The following PRDM16 variants were observed in gnomAD, a reference collection of about 807,000 sequenced individuals.
PRDM16 encodes the protein PR/SET domain 16, also known as histone-lysine N-methyltransferase PRDM16.
PRDM16 carries 23 observed loss-of-function variants against 110.6 expected under a neutral mutation model. The observed-to-expected ratio is 0.21, with a 90% CI of 0.15 to 0.29. The LOEUF is 0.29. PRDM16 is among the 10% of genes least tolerant of loss of function. The pLI, the probability that PRDM16 is intolerant of heterozygous loss-of-function variation, is 1.00. For synonymous variants in PRDM16, 799 were observed against 781.8 expected (o/e 1.02, Z -0.37); for missense variants, 1,615 against 1,794.3 (o/e 0.90, Z 1.81).
At chr1:3,227,852 G>A (rs934025856) in intron 2 of PRDM16, among the ~76,000 whole-genome samples, 2 of 152,226 alleles carry the variant, frequency 1.3e-5, no homozygotes, top group Non-Finnish European at 2.9e-5. Context: ...ACAGGTGCTG[G>A]GCAGCCAGGG....
intron 3 of PRDM16, among the ~76,000 whole-genome samples, chr1:3,300,690 T>C (rs955340656): frequency 1.3e-5 from 2 of 152,216 alleles, no homozygotes; most frequent in Admixed American, 1.3e-4. Context: ...GCATCATTGT[T>C]AGCATTTCCT....
At chr1:3,377,784 C>T (rs1485126266) in intron 3 of PRDM16, among the ~76,000 whole-genome samples, 1 of 152,176 alleles carries the variant, frequency 6.6e-6, no homozygotes. Flanking sequence ...CTGGGCCGCT[C>T]CTTCCCTCTG....
intron 2 of PRDM16, among the ~76,000 whole-genome samples, chr1:3,238,670 C>T (rs1158496232): frequency 3.9e-5 from 6 of 152,232 alleles, no homozygotes; most frequent in Non-Finnish European, 8.8e-5. Context: ...GGGAAGCCGC[C>T]CAGCTTTGCT....
intron 3 of PRDM16, among the ~76,000 whole-genome samples, chr1:3,338,277 G>T (rs1434626069): frequency 6.6e-6 from 1 of 152,246 alleles, no homozygotes; most frequent in African/African-American, 2.4e-5. Flanking sequence ...TCCTGCCAGG[G>T]GCTCCTGTGG....
At chr1:3,225,377 G>A (rs1639262090) in intron 2 of PRDM16, among the ~76,000 whole-genome samples, 1 of 152,112 alleles carries the variant, frequency 6.6e-6, no homozygotes. Flanking sequence ...TTGCACCCAG[G>A]TCTCCTCTCT....
At chr1:3,408,715 AGT>A (rs886601101) in intron 8 of PRDM16, among the ~76,000 whole-genome samples, 11 of 130,684 alleles carry the variant, frequency 8.4e-5, no homozygotes, top group South Asian at 2.5e-4. Context: ...CGTGCATGAG[AGT>A]GTGTGAGTGT....
At chr1:3,313,289 C>T (rs1177440571) in intron 3 of PRDM16, among the ~76,000 whole-genome samples, 5 of 152,218 alleles carry the variant, frequency 3.3e-5, no homozygotes, top group African/African-American at 1.2e-4. Flanking sequence ...GAGCCCCACT[C>T]GCCGTCACGA....
At position 3,175,680 on chromosome 1, in the gene PRDM16, C is replaced by G. The variant is rs1198789351; in HGVS notation, c.38-10445C>G. On this transcript the variant is annotated intron_variant, in intron 1 of 16. Transcript: ENST00000270722. The surrounding 1 kb of genome is among the most constrained non-coding windows in gnomAD (Gnocchi z 4.8). ...CTCCGGCCAAGTCCCAGAACTCAGA[C>G]CTGCCCACCCGCCACATGGGTGCAG... 6.6e-6 allele frequency among the ~76,000 whole-genome samples: 1 copy of G among 152,186 alleles called. No homozygotes were observed. The highest frequency in any genetic ancestry group is 2.4e-5 in the African/African-American group (1 of 41,440).
In PRDM16 at chr1:3,190,372, A is replaced by G. The variant is rs1384240770; in HGVS notation, c.387+3898A>G. On this transcript the variant is annotated intron_variant, in intron 2 of 16. Transcript: ENST00000270722. This position sits in a 1 kb window ranked among gnomAD's most constrained non-coding sequence, Gnocchi z 5.0. ...CGGGAGCTGAGTTTCCTCCGGCCTC[A>G]GTTGCTGGTCGGAAGCCTGCATTCC... Among the ~76,000 whole-genome samples, 3 of 152,214 alleles carry G rather than the reference A, an allele frequency of 2.0e-5. No individual in the cohort carries two copies. Among genetic ancestry groups the G allele is most frequent in the African/African-American group, 7.2e-5 (3 of 41,450 alleles).
At chr1:3,312,563 G>A (rs781453541) in intron 3 of PRDM16, among the ~76,000 whole-genome samples, 34 of 152,358 alleles carry the variant, frequency 2.2e-4, no homozygotes, top group Non-Finnish European at 3.7e-4. Context: ...ATCCGGGGCC[G>A]GCAGGTGGGG....
intron 1 of PRDM16, among the ~76,000 whole-genome samples, chr1:3,086,398 A>G (rs1030787250): frequency 1.3e-5 from 2 of 152,252 alleles, no homozygotes; most frequent in Non-Finnish European, 2.9e-5. Flanking sequence ...TTTCTTGGTC[A>G]GGAAAGCTGC....
At chr1:3,301,435 G>C (rs536508027) in intron 3 of PRDM16, among the ~76,000 whole-genome samples, 1 of 152,216 alleles carries the variant, frequency 6.6e-6, no homozygotes, top group African/African-American at 2.4e-5. Context: ...TTGTAGTTGG[G>C]GATATGTGCT....
chr1:3,120,705 G>A (rs959747132), intron 1 of PRDM16, among the ~76,000 whole-genome samples: 1 of 152,198 alleles, frequency 6.6e-6, no homozygotes, highest in Admixed American at 6.5e-5. Flanking sequence ...AGGCAGGGTG[G>A]ATAGTCGGTG....
At position 3,299,353 on chromosome 1, in the gene PRDM16, C is replaced by T. The variant is rs534187701; in HGVS notation, c.438+55216C>T. Among the ~76,000 whole-genome samples, 32 of 94,824 alleles carry T rather than the reference C, an allele frequency of 3.4e-4. 3 individuals are homozygous for T. The South Asian group carries it at 0.012, about 35-fold the overall frequency. The allele number at this position is 94,824 out of a possible 152,430, so 62.2% of individuals were successfully genotyped here. A position where few individuals can be genotyped will look rare whatever the true frequency, so the allele number is the denominator to read the frequency against. ...CTCTGCCCTTGTTGAAGATGCTATGCTGTGGCTGTGATGTTTCAGATCCCA... is the reference window on the plus strand; with the variant it reads ...CTCTGCCCTTGTTGAAGATGCTATGTTGTGGCTGTGATGTTTCAGATCCCA... On this transcript the variant is annotated intron_variant, in intron 3 of 16. Transcript: ENST00000270722.
intron 1 of PRDM16, among the ~76,000 whole-genome samples, chr1:3,155,026 C>T (rs1643837007): frequency 6.6e-6 from 1 of 152,336 alleles, no homozygotes; most frequent in East Asian, 1.9e-4. Flanking sequence ...TGCCTGTGGG[C>T]CCTGAGGCCT....
At chr1:3,241,831 G>A (rs1639681716) in intron 2 of PRDM16, among the ~76,000 whole-genome samples, 1 of 152,218 alleles carries the variant, frequency 6.6e-6, no homozygotes, top group African/African-American at 2.4e-5. Flanking sequence ...AGAGAGCAGC[G>A]TGGACAGAGG....
chr1:3,200,393 A>G (rs538796807), intron 2 of PRDM16, among the ~76,000 whole-genome samples: 1 of 152,052 alleles, frequency 6.6e-6, no homozygotes, highest in African/African-American at 2.4e-5. Context: ...CCCAGGCTGG[A>G]GTGCAATGGT....
chr1:3,231,516 C>T (rs945667925), intron 2 of PRDM16, among the ~76,000 whole-genome samples: 7 of 135,958 alleles, frequency 5.1e-5, no homozygotes, highest in African/African-American at 9.7e-5. Context: ...ATGCGGGGGT[C>T]GAGAGGTGTT....
intron 1 of PRDM16, among the ~76,000 whole-genome samples, chr1:3,182,886 A>G (rs1337843567): frequency 6.6e-6 from 1 of 152,090 alleles, no homozygotes; most frequent in Non-Finnish European, 1.5e-5. Context: ...GGGGTCACTC[A>G]GCTCCCTTCC....
Sources: allele counts gnomAD v4.1 joint callset (sites outside exome capture counted in the v4.1 genomes callset), GRCh38; gene constraint gnomAD v4.1.1; non-coding constraint Gnocchi (gnomAD v3.1); transcripts MANE v1.5; gene names NCBI Gene and HGNC (gene_info 2026-07-23, HGNC 2026-07-21).